NALF1: variants seen among roughly 807,000 people sequenced by gnomAD.
NALF1 encodes family with sequence similarity 155 member A.
NALF1 carries 3 observed loss-of-function variants against 48.4 expected under a neutral mutation model. That is an observed-to-expected ratio of 0.06 (90% CI 0.03 to 0.16). NALF1 has a LOEUF of 0.16. Among genes scored for constraint, NALF1 ranks in the 10% least tolerant of loss-of-function variants. The pLI is 1.00. For missense variants in NALF1, 526 were observed against 571.5 expected (o/e 0.92, Z 0.81); for synonymous variants, 262 against 245.7 (o/e 1.07, Z -0.62).
intron 1 of NALF1, among the ~76,000 whole-genome samples, chr13:107,283,848 C>T (rs1406187722): frequency 2.0e-5 from 3 of 151,556 alleles, no homozygotes; most frequent in Non-Finnish European, 4.4e-5. Context: ...TTAGTAGAGA[C>T]GGGGGTTTCA....
intron 1 of NALF1, among the ~76,000 whole-genome samples, chr13:107,798,680 T>G (rs1369648637): frequency 2.6e-5 from 4 of 152,196 alleles, no homozygotes; most frequent in African/African-American, 9.6e-5. Flanking sequence ...TTCTATCAGT[T>G]TGGAATGTAT....
rs1879026053 is a variant in NALF1 at position 107,179,853 on chromosome 13, C to T, written c.1088-9067G>A. Among the ~76,000 whole-genome samples, 4 of 148,064 alleles carry T rather than the reference C, an allele frequency of 2.7e-5. No homozygotes were observed. In the South Asian group the frequency reaches 9.1e-4, roughly 34 times the overall value. On this transcript the variant is annotated intron_variant, in intron 2 of 2. Coordinates refer to ENST00000375915, the MANE Select transcript of NALF1 (RefSeq NM_001080396.3). ...GCTTCTTGGCTGGCAGGCATCATTCCAGCTGCTGCTTCTGTCCCCACGTGG... is the reference window on the plus strand; with the variant it reads ...GCTTCTTGGCTGGCAGGCATCATTCTAGCTGCTGCTTCTGTCCCCACGTGG...
At chr13:107,321,867 C>G (rs763813948) in intron 1 of NALF1, among the ~76,000 whole-genome samples, 15 of 151,930 alleles carry the variant, frequency 9.9e-5, no homozygotes, top group Non-Finnish European at 1.5e-4. Context: ...AATTCCAAAA[C>G]CTAAAAAAAC....
intron 1 of NALF1, among the ~76,000 whole-genome samples, chr13:107,550,494 C>T (rs2139128577): frequency 6.6e-6 from 1 of 152,230 alleles, no homozygotes; most frequent in Non-Finnish European, 1.5e-5. Flanking sequence ...TCCTGTCCCC[C>T]TTTCATAATT....
chr13:107,801,889 C>A (rs991979046), intron 1 of NALF1, among the ~76,000 whole-genome samples: 1 of 152,176 alleles, frequency 6.6e-6, no homozygotes, highest in Admixed American at 6.5e-5. Flanking sequence ...TGAAATGATT[C>A]CGAATTACCC....
chr13:107,313,888 A>C (rs780285475), intron 1 of NALF1, among the ~76,000 whole-genome samples: 1 of 152,084 alleles, frequency 6.6e-6, no homozygotes, highest in Non-Finnish European at 1.5e-5. Context: ...TTGATGTTTC[A>C]TATCTCCCTA....
At chr13:107,641,475 T>C (rs1880153946) in intron 1 of NALF1, among the ~76,000 whole-genome samples, 1 of 152,184 alleles carries the variant, frequency 6.6e-6, no homozygotes, top group African/African-American at 2.4e-5. Context: ...ATTTAATAAT[T>C]ACACATTGTA....
At chr13:107,524,137 T>C (rs1876348947) in intron 1 of NALF1, among the ~76,000 whole-genome samples, 1 of 152,142 alleles carries the variant, frequency 6.6e-6, no homozygotes, top group Non-Finnish European at 1.5e-5. Context: ...ATAGAAACTT[T>C]GGGTACTTCT....
intron 1 of NALF1, among the ~76,000 whole-genome samples, chr13:107,412,941 C>T (rs916865996): frequency 6.6e-6 from 1 of 152,086 alleles, no homozygotes; most frequent in Non-Finnish European, 1.5e-5. Context: ...CCTTGTTTTA[C>T]AGCAAAAGTA....
intron 1 of NALF1, among the ~76,000 whole-genome samples, chr13:107,525,406 T>C (rs1297509422): frequency 2.6e-5 from 4 of 152,156 alleles, no homozygotes; most frequent in Admixed American, 6.6e-5. Context: ...ACTCAGGATA[T>C]GCCTTTGAGA....
intron 1 of NALF1, among the ~76,000 whole-genome samples, chr13:107,231,759 T>C (rs900194462): frequency 1.3e-5 from 2 of 152,340 alleles, no homozygotes; most frequent in South Asian, 2.1e-4. Context: ...TTAGCAACCC[T>C]GGCAGGGCCA....
At chr13:107,743,466 A>G (rs1251792587) in intron 1 of NALF1, among the ~76,000 whole-genome samples, 1 of 152,264 alleles carries the variant, frequency 6.6e-6, no homozygotes, top group African/African-American at 2.4e-5. Context: ...AATAAAGGGA[A>G]TAAGAATGAA....
At chr13:107,804,089 T>C (rs1383607662) in intron 1 of NALF1, among the ~76,000 whole-genome samples, 1 of 152,208 alleles carries the variant, frequency 6.6e-6, no homozygotes, top group Non-Finnish European at 1.5e-5. Context: ...TGGAATTATC[T>C]TTCCTAAACA....
At chr13:107,454,068 T>C (rs1884786178) in intron 1 of NALF1, among the ~76,000 whole-genome samples, 1 of 152,178 alleles carries the variant, frequency 6.6e-6, no homozygotes, top group Non-Finnish European at 1.5e-5. Context: ...ACTATCAGCT[T>C]TTTGGTCAAA....
intron 1 of NALF1, among the ~76,000 whole-genome samples, chr13:107,659,686 T>C (rs1018905944): frequency 5.9e-5 from 9 of 151,910 alleles, no homozygotes; most frequent in African/African-American, 2.2e-4. Context: ...TATATACTTT[T>C]AAATTTATAA....
chr13:107,861,040 C>T (rs1181280913), intron 1 of NALF1, among the ~76,000 whole-genome samples: 1 of 152,088 alleles, frequency 6.6e-6, no homozygotes, highest in Non-Finnish European at 1.5e-5. Flanking sequence ...ATTCCATGGT[C>T]TGTGAGAAAA....
intron 2 of NALF1, among the ~76,000 whole-genome samples, chr13:107,207,777 C>T (rs1175693532): frequency 1.3e-5 from 2 of 152,238 alleles, no homozygotes; most frequent in Non-Finnish European, 2.9e-5. Context: ...TTCCAAATAG[C>T]TGCGACTACA....
At chr13:107,447,154 C>T (rs1884663843) in intron 1 of NALF1, among the ~76,000 whole-genome samples, 1 of 152,184 alleles carries the variant, frequency 6.6e-6, no homozygotes, top group South Asian at 2.1e-4. Flanking sequence ...CAGCTCCTTC[C>T]TCCTTCCTCT....
At position 107,499,784 on chromosome 13, in the gene NALF1, A is replaced by C. The variant is rs187105239; in HGVS notation, c.916-289029T>G. Among the ~76,000 whole-genome samples, 106 of 152,072 alleles carry C rather than the reference A, an allele frequency of 7.0e-4. 1 individual carries two copies. Among genetic ancestry groups the C allele is most frequent in the Admixed American group, 2.9e-3 (44 of 15,268 alleles). On this transcript the variant is annotated intron_variant, in intron 1 of 2. Coordinates refer to ENST00000375915, the MANE Select transcript of NALF1 (RefSeq NM_001080396.3). ...TTCCTAATTATTCTACATTTCTTTT[A>C]TGAGTACGTATTGTCTCTTTTTCTT...
Sources: allele counts gnomAD v4.1 joint callset (sites outside exome capture counted in the v4.1 genomes callset), GRCh38; gene constraint gnomAD v4.1.1; transcripts MANE v1.5; gene names NCBI Gene and HGNC (gene_info 2026-07-23, HGNC 2026-07-21).